PHACTR1: variants seen among roughly 807,000 people sequenced by gnomAD.
The protein encoded by PHACTR1 is phosphatase and actin regulator 1, also known as RPEL repeat containing 1.
Under a neutral mutation model 69.2 loss-of-function variants are expected in PHACTR1, and 16 were observed. That is an observed-to-expected ratio of 0.23 (90% CI 0.16 to 0.35). The LOEUF (loss-of-function observed/expected upper bound fraction) is 0.35, where lower values mean the gene tolerates loss of function less well. PHACTR1 is among the 10% of genes least tolerant of loss of function. The pLI is 1.00. For missense variants in PHACTR1, 510 were observed against 734.7 expected, an observed-to-expected ratio of 0.69 and a Z score of 3.54; for synonymous variants, 312 against 284.5, an observed-to-expected ratio of 1.10 and a Z score of -0.97.
intron 4 of PHACTR1, among the ~76,000 whole-genome samples, chr6:12,929,669 C>A (rs1036464648): frequency 1.3e-5 from 2 of 152,194 alleles, no homozygotes; most frequent in Non-Finnish European, 2.9e-5. Flanking sequence ...AATCTCACCT[C>A]TTTTGAGGAC....
chr6:12,780,698 G>C (rs1410480917), intron 4 of PHACTR1, among the ~76,000 whole-genome samples: 3 of 152,220 alleles, frequency 2.0e-5, no homozygotes, highest in Admixed American at 6.5e-5. Flanking sequence ...CTGTATTTGA[G>C]GGCATGCATT....
At chr6:13,112,820 G>C (rs1817246104) in intron 5 of PHACTR1, among the ~76,000 whole-genome samples, 1 of 152,002 alleles carries the variant, frequency 6.6e-6, no homozygotes. Flanking sequence ...CCATTCTGTA[G>C]GTTGTCTGTT....
At chr6:13,002,774 AAATATGAT>A (rs1007546520) in intron 4 of PHACTR1, among the ~76,000 whole-genome samples, 1 of 152,244 alleles carries the variant, frequency 6.6e-6, no homozygotes, top group Admixed American at 6.5e-5. Flanking sequence ...CTGAATATGC[AAATATGAT>A]AATATGCCCT....
At position 13,205,796 on chromosome 6, in the gene PHACTR1, CG is replaced by C. The variant is rs142272537; in HGVS notation, c.665-18del. Reference sequence around the variant, plus strand: ...TGCCCCCAAACTCACATCTGCCTCTCGCCCTCTTTCTGCCACAGATCCTGGC... The same window carrying C: ...TGCCCCCAAACTCACATCTGCCTCTCCCCTCTTTCTGCCACAGATCCTGGC... On this transcript the variant is annotated intron_variant, in intron 7 of 14. Transcript: ENST00000332995. 2,976 of 1,561,526 alleles carry C rather than the reference CG, an allele frequency of 1.9e-3. 45 individuals carry two copies. In the African/African-American group the frequency reaches 0.036, roughly 19 times the overall value.
At chr6:13,170,502 A>G (rs150481167) in intron 6 of PHACTR1, among the ~76,000 whole-genome samples, 20 of 152,282 alleles carry the variant, frequency 1.3e-4, no homozygotes, top group Middle Eastern at 3.4e-3. Context: ...ACTGACATGC[A>G]TTGACCTTTA....
chr6:13,165,455 C>G (rs1759654604), intron 6 of PHACTR1, among the ~76,000 whole-genome samples: 1 of 152,188 alleles, frequency 6.6e-6, no homozygotes, highest in South Asian at 2.1e-4. Flanking sequence ...GGTGCTCCCT[C>G]CGTGCCAAGG....
At chr6:13,078,060 T>A (rs1427649049) in intron 5 of PHACTR1, among the ~76,000 whole-genome samples, 1 of 151,616 alleles carries the variant, frequency 6.6e-6, no homozygotes, top group East Asian at 1.9e-4. Context: ...CTACTGGGAG[T>A]GTAGGACGCC....
At chr6:13,203,512 CA>C (rs1315644317) in intron 7 of PHACTR1, among the ~76,000 whole-genome samples, 3 of 152,220 alleles carry the variant, frequency 2.0e-5, no homozygotes, top group Admixed American at 2.0e-4. Flanking sequence ...TGACTGTCGT[CA>C]TTCCTGCTAT....
intron 4 of PHACTR1, among the ~76,000 whole-genome samples, chr6:12,783,964 A>G (rs1771152932): frequency 6.6e-6 from 1 of 152,170 alleles, no homozygotes; most frequent in South Asian, 2.1e-4. Flanking sequence ...ATACATGATG[A>G]TATATACATA....
At chr6:13,180,743 C>T (rs1472660647) in intron 6 of PHACTR1, among the ~76,000 whole-genome samples, 4 of 152,170 alleles carry the variant, frequency 2.6e-5, no homozygotes, top group Non-Finnish European at 4.4e-5. Flanking sequence ...TTACTTCCCA[C>T]GGCATCTGTT....
chr6:13,187,222 G>T (rs922250681), intron 7 of PHACTR1, among the ~76,000 whole-genome samples: 14 of 152,194 alleles, frequency 9.2e-5, no homozygotes, highest in African/African-American at 3.4e-4. Context: ...GGCCCTGGTG[G>T]TTGGGGACCC....
chr6:13,177,172 T>TAAAAAAAAAAAAA (rs530741132), intron 6 of PHACTR1, among the ~76,000 whole-genome samples: 4 of 63,366 alleles, frequency 6.3e-5, no homozygotes, highest in African/African-American at 3.1e-4. Context: ...ACCCCATCTC[T>TAAAAAAAAAAAAA]AAAAAAAAAA....
At chr6:12,860,577 C>T (rs76441556) in intron 4 of PHACTR1, among the ~76,000 whole-genome samples, 3,810 of 152,260 alleles carry the variant, frequency 0.025, 131 homozygotes, top group East Asian at 0.14. Context: ...ACCACACTGT[C>T]TTCCACAATG....
chr6:13,093,532 A>G (rs1473947494), intron 5 of PHACTR1, among the ~76,000 whole-genome samples: 1 of 152,198 alleles, frequency 6.6e-6, no homozygotes, highest in African/African-American at 2.4e-5. Context: ...TCACAGTTGT[A>G]TTACACATTT....
At position 12,763,449 on chromosome 6, in the gene PHACTR1, T is replaced by C. The variant is rs1453557101; in HGVS notation, c.250+13659T>C. 3.3e-5 allele frequency among the ~76,000 whole-genome samples: 5 copies of C among 152,192 alleles called. No homozygotes were observed. The East Asian group carries it at 9.6e-4, about 29-fold the overall frequency. On this transcript the variant is annotated intron_variant, in intron 4 of 14. Transcript: ENST00000332995. Reference sequence around the variant, plus strand: ...TGTAAAGCTACCTCATAAAGAAATATATCATCTATGGAGTCCTTTCATAAA... The same window carrying C: ...TGTAAAGCTACCTCATAAAGAAATACATCATCTATGGAGTCCTTTCATAAA...
At chr6:12,856,251 C>CTTTTTTTTTTTTTTTTTT (rs201867496) in intron 4 of PHACTR1, among the ~76,000 whole-genome samples, 2 of 95,274 alleles carry the variant, frequency 2.1e-5, no homozygotes, top group African/African-American at 6.0e-5. Flanking sequence ...TTCTTTCTTT[C>CTTTTTTTTTTTTTTTTTT]TTTCTTTTTT....
intron 6 of PHACTR1, among the ~76,000 whole-genome samples, chr6:13,181,006 A>C (rs924472835): frequency 8.5e-5 from 13 of 152,172 alleles, no homozygotes; most frequent in South Asian, 2.1e-4. Flanking sequence ...AAGAAAAAAA[A>C]ACACACTCTT....
chr6:12,994,623 A>T (rs1000449556), intron 4 of PHACTR1, among the ~76,000 whole-genome samples: 2 of 152,196 alleles, frequency 1.3e-5, no homozygotes, highest in African/African-American at 2.4e-5. Flanking sequence ...ACAAAATATG[A>T]TATACAAATG....
At chr6:12,791,285 T>C (rs2127661684) in intron 4 of PHACTR1, among the ~76,000 whole-genome samples, 1 of 152,276 alleles carries the variant, frequency 6.6e-6, no homozygotes, top group South Asian at 2.1e-4. Context: ...CCTTCAGCCT[T>C]CTCATCTATA....
Sources: allele counts gnomAD v4.1 joint callset (sites outside exome capture counted in the v4.1 genomes callset), GRCh38; gene constraint gnomAD v4.1.1; transcripts MANE v1.5; gene names NCBI Gene and HGNC (gene_info 2026-07-23, HGNC 2026-07-21).